DDX10: variants seen among roughly 807,000 people sequenced by gnomAD.
The protein encoded by DDX10 is probable ATP-dependent RNA helicase DDX10.
A neutral mutation model predicts 104.3 loss-of-function variants in DDX10; 74 were observed. The ratio of observed to expected loss-of-function variants is 0.71; its 90% confidence interval spans 0.59 to 0.86. The LOEUF (loss-of-function observed/expected upper bound fraction) is 0.86. Ranked by LOEUF, DDX10 falls within the 40% of genes least tolerant of loss-of-function variation. DDX10 has a pLI of 0.00. For synonymous variants in DDX10, 351 were observed against 353.4 expected, an observed-to-expected ratio of 0.99 and a Z score of 0.08; for missense variants, 952 against 1,040.0, an observed-to-expected ratio of 0.92 and a Z score of 1.16.
intron 16 of DDX10, among the ~76,000 whole-genome samples, chr11:108,854,124 T>C (rs1218456615): frequency 6.6e-6 from 1 of 152,206 alleles, no homozygotes; most frequent in Non-Finnish European, 1.5e-5. Context: ...AGGTTCAGGC[T>C]GACTGACAGA....
chr11:108,805,932 T>C (rs1426979088), intron 13 of DDX10, among the ~76,000 whole-genome samples: 3 of 152,162 alleles, frequency 2.0e-5, no homozygotes, highest in Non-Finnish European at 4.4e-5. Context: ...AAAAATTGTT[T>C]ACACATTTTA....
At chr11:108,708,222 A>C (rs2094279161) in intron 10 of DDX10, among the ~76,000 whole-genome samples, 1 of 151,590 alleles carries the variant, frequency 6.6e-6, no homozygotes, top group Admixed American at 6.6e-5. Flanking sequence ...AAAAAAAAAA[A>C]AAAAAAGATC....
chr11:108,711,898 T>G (rs1160306693), intron 10 of DDX10, among the ~76,000 whole-genome samples: 1 of 152,198 alleles, frequency 6.6e-6, no homozygotes, highest in East Asian at 1.9e-4. Context: ...TTCCTGATAG[T>G]AGGGTGTTGA....
intron 12 of DDX10, 96 bp downstream of exon 12, chr11:108,719,981 C>T (rs2094296286): frequency 1.3e-6 from 1 of 790,118 alleles, no homozygotes; most frequent in African/African-American, 1.7e-5. Context: ...GTTGCCCAGG[C>T]TGTCTCAAAC....
At chr11:108,747,074 T>C (rs1241654172) in intron 13 of DDX10, among the ~76,000 whole-genome samples, 2 of 152,094 alleles carry the variant, frequency 1.3e-5, no homozygotes, top group African/African-American at 2.4e-5. Context: ...CTGGGTAGAA[T>C]TGAACATGTA....
chr11:108,761,435 C>G (rs1340303232), intron 13 of DDX10, among the ~76,000 whole-genome samples: 3 of 152,186 alleles, frequency 2.0e-5, no homozygotes, highest in Admixed American at 6.5e-5. Flanking sequence ...ATTCAGGACT[C>G]TCTAAATGGC....
chr11:108,840,871 A>G (rs536315781), intron 14 of DDX10, among the ~76,000 whole-genome samples: 3 of 152,330 alleles, frequency 2.0e-5, no homozygotes, highest in East Asian at 3.9e-4. Flanking sequence ...ACAGGAACAT[A>G]AAACAACGCA....
At chr11:108,766,718 A>G (rs905818273) in intron 13 of DDX10, among the ~76,000 whole-genome samples, 1 of 152,190 alleles carries the variant, frequency 6.6e-6, no homozygotes, top group Non-Finnish European at 1.5e-5. Flanking sequence ...GCTATGTCAT[A>G]TTAGGAAGGG....
At chr11:108,833,595 A>AG (rs1278294523) in intron 13 of DDX10, among the ~76,000 whole-genome samples, 5 of 152,206 alleles carry the variant, frequency 3.3e-5, no homozygotes, top group East Asian at 1.9e-4. Context: ...TTACTTCTTC[A>AG]GGGGGGCAGG....
At chr11:108,692,816 C>G (rs2094254700) in intron 8 of DDX10, among the ~76,000 whole-genome samples, 1 of 152,104 alleles carries the variant, frequency 6.6e-6, no homozygotes, top group Non-Finnish European at 1.5e-5. Flanking sequence ...CTCGATCTAC[C>G]AGGCTCAAGT....
At chr11:108,678,048 C>T (rs935333762) in intron 4 of DDX10, among the ~76,000 whole-genome samples, 1 of 151,994 alleles carries the variant, frequency 6.6e-6, no homozygotes, top group Non-Finnish European at 1.5e-5. Flanking sequence ...TTGGAGTATT[C>T]ATTTGATTAT....
At chr11:108,806,838 G>A (rs1448419118) in intron 13 of DDX10, among the ~76,000 whole-genome samples, 1 of 152,182 alleles carries the variant, frequency 6.6e-6, no homozygotes, top group African/African-American at 2.4e-5. Context: ...GTATGATCTA[G>A]CAATAGAAGG....
intron 9 of DDX10, among the ~76,000 whole-genome samples, chr11:108,695,197 T>C (rs1482868604): frequency 6.6e-6 from 1 of 152,254 alleles, no homozygotes; most frequent in Non-Finnish European, 1.5e-5. Context: ...GTCTTGCTGA[T>C]GTTTGTAGTG....
chr11:108,819,470 A>G (rs1427257908), intron 13 of DDX10, among the ~76,000 whole-genome samples: 2 of 152,244 alleles, frequency 1.3e-5, no homozygotes, highest in Non-Finnish European at 2.9e-5. Flanking sequence ...AAGTAAAAAC[A>G]GTTTTCCGTT....
In DDX10 at chr11:108,722,980, G is replaced by T. The variant is rs1184593380; in HGVS notation, c.1500-17G>T. The T allele has an allele frequency of 6.3e-7, 1 of 1,579,332 alleles. No homozygotes were observed. The highest frequency in any genetic ancestry group is 1.4e-5 in the African/African-American group (1 of 73,112). The stretch of plus-strand genomic sequence containing the variant: ...TCAGTGTTGAGATGACTGTTTTCAC[G>T]TTTTTCCATATTTAAGGTCTCTTGG... On this transcript the variant is annotated splice_polypyrimidine_tract_variant and intron_variant, in intron 12 of 17. Coordinates refer to ENST00000322536, the MANE Select transcript of DDX10 (RefSeq NM_004398.4).
chr11:108,869,197 G>GTTTTTTTTTT (rs58883084), intron 16 of DDX10, among the ~76,000 whole-genome samples: 1 of 147,884 alleles, frequency 6.8e-6, no homozygotes, highest in African/African-American at 2.5e-5. Flanking sequence ...TAAACCCGTT[G>GTTTTTTTTTT]TTTTTTTTTT....
chr11:108,692,372 A>G (rs1440397629), intron 8 of DDX10, among the ~76,000 whole-genome samples: 4 of 152,222 alleles, frequency 2.6e-5, no homozygotes, highest in African/African-American at 7.2e-5. Context: ...TACTGAACTC[A>G]TTTAACAAGA....
chr11:108,818,408 G>T (rs1862283157), intron 13 of DDX10, among the ~76,000 whole-genome samples: 1 of 152,144 alleles, frequency 6.6e-6, no homozygotes, highest in South Asian at 2.1e-4. Flanking sequence ...TTTATAGGAA[G>T]TTTTGACATT....
At chr11:108,777,367 T>G (rs1458918200) in intron 13 of DDX10, among the ~76,000 whole-genome samples, 1 of 152,154 alleles carries the variant, frequency 6.6e-6, no homozygotes, top group African/African-American at 2.4e-5. Context: ...TCTTGCTCTG[T>G]CACTCAGGCT....
Sources: gnomAD v4.1 joint callset for allele counts (sites outside exome capture counted in the v4.1 genomes callset) on GRCh38, gnomAD v4.1.1 for gene constraint, MANE v1.5 for transcripts, NCBI Gene and HGNC (gene_info 2026-07-23, HGNC 2026-07-21) for gene names.